SOX5: variants seen among roughly 807,000 people sequenced by gnomAD.
The protein encoded by SOX5 is SRY-box transcription factor 5.
Under a neutral mutation model 92.0 loss-of-function variants are expected in SOX5, and 9 were observed. The observed-to-expected ratio is 0.10, with a 90% CI of 0.06 to 0.17. The LOEUF (loss-of-function observed/expected upper bound fraction) is 0.17, where lower values mean the gene tolerates loss of function less well. Among genes scored for constraint, SOX5 ranks in the 10% least tolerant of loss-of-function variants. SOX5 has a pLI of 1.00. For missense variants in SOX5, 642 were observed against 944.5 expected (o/e 0.68, Z 4.20); for synonymous variants, 344 against 336.3 (o/e 1.02, Z -0.25).
At chr12:23,778,385 G>T (rs1035291914) in intron 3 of SOX5, among the ~76,000 whole-genome samples, 1 of 152,148 alleles carries the variant, frequency 6.6e-6, no homozygotes, top group African/African-American at 2.4e-5. Context: ...AAGCTAAAAG[G>T]AGTTTCCATA....
intron 2 of SOX5, among the ~76,000 whole-genome samples, chr12:23,848,310 A>T (rs957750147): frequency 6.6e-6 from 1 of 152,342 alleles, no homozygotes; most frequent in East Asian, 1.9e-4. Flanking sequence ...CCCATTTTGC[A>T]TATCTCTAAC....
At chr12:23,680,062 A>G (rs376464966) in intron 6 of SOX5, among the ~76,000 whole-genome samples, 1 of 152,038 alleles carries the variant, frequency 6.6e-6, no homozygotes, top group Non-Finnish European at 1.5e-5. Flanking sequence ...ATGGTGGCTC[A>G]TGCCTGTAAT....
At chr12:23,707,733 T>G (rs2091580260) in intron 6 of SOX5, among the ~76,000 whole-genome samples, 1 of 152,116 alleles carries the variant, frequency 6.6e-6, no homozygotes. Context: ...CTTTTTATTT[T>G]TTAACATAAT....
intron 7 of SOX5, among the ~76,000 whole-genome samples, chr12:23,663,371 C>T (rs1320682533): frequency 2.0e-5 from 3 of 152,080 alleles, no homozygotes; most frequent in Admixed American, 6.6e-5. Flanking sequence ...CTCCACGCCA[C>T]GTTACATTAA....
At chr12:24,503,116 T>G (rs536683491) in intron 1 of SOX5, among the ~76,000 whole-genome samples, 4 of 152,272 alleles carry the variant, frequency 2.6e-5, no homozygotes, top group African/African-American at 9.6e-5. Context: ...TGTATGTTTA[T>G]TTCCTAGTTT....
At chr12:24,125,943 C>T (rs762154608) in intron 4 of SOX5, among the ~76,000 whole-genome samples, 2 of 152,140 alleles carry the variant, frequency 1.3e-5, no homozygotes, top group African/African-American at 4.8e-5. Context: ...CTTTCAGATC[C>T]GTATCTTGCT....
intron 3 of SOX5, among the ~76,000 whole-genome samples, chr12:23,802,740 C>T (rs2142194282): frequency 6.6e-6 from 1 of 152,234 alleles, no homozygotes; most frequent in East Asian, 1.9e-4. Flanking sequence ...TAAACATCCT[C>T]CATGGGTTTA....
intron 3 of SOX5, among the ~76,000 whole-genome samples, chr12:24,242,993 TTAAG>T (rs61078072): frequency 0.036 from 5,424 of 152,214 alleles, 338 homozygotes; most frequent in African/African-American, 0.12. Context: ...AACAACAATT[TTAAG>T]TGAGTGAAGG....
At chr12:24,179,017 T>C (rs556713749) in intron 4 of SOX5, among the ~76,000 whole-genome samples, 1 of 152,224 alleles carries the variant, frequency 6.6e-6, no homozygotes, top group Non-Finnish European at 1.5e-5. Context: ...ATTTACCATC[T>C]GCAGAAAAAA....
At chr12:24,222,971 C>A (rs147605299) in intron 3 of SOX5, among the ~76,000 whole-genome samples, 5 of 152,100 alleles carry the variant, frequency 3.3e-5, no homozygotes, top group South Asian at 2.1e-4. Flanking sequence ...TGTCCGGCAC[C>A]CCATACTGAC....
At chr12:23,925,000 C>T (rs1274194613) in intron 1 of SOX5, among the ~76,000 whole-genome samples, 2 of 151,912 alleles carry the variant, frequency 1.3e-5, no homozygotes, top group South Asian at 2.1e-4. Context: ...CTACGAGAAA[C>T]ACCCAAGAAT....
At chr12:23,958,039 A>C (rs1324643696) in intron 4 of SOX5, among the ~76,000 whole-genome samples, 3 of 152,084 alleles carry the variant, frequency 2.0e-5, no homozygotes, top group Non-Finnish European at 2.9e-5. Flanking sequence ...TTTATTTTTA[A>C]ATCTTGCATA....
At chr12:24,171,635 C>A (rs1954182562) in intron 4 of SOX5, among the ~76,000 whole-genome samples, 1 of 152,032 alleles carries the variant, frequency 6.6e-6, no homozygotes, top group Non-Finnish European at 1.5e-5. Flanking sequence ...AGGAAGCAAT[C>A]CTAATGCAAT....
chr12:24,456,124 TGA>T (rs1942994244), intron 1 of SOX5, among the ~76,000 whole-genome samples: 1 of 152,114 alleles, frequency 6.6e-6, no homozygotes, highest in African/African-American at 2.4e-5. Context: ...GACTTCACAA[TGA>T]GAGTGGCTGG....
intron 7 of SOX5, among the ~76,000 whole-genome samples, chr12:23,662,112 T>C (rs897876221): frequency 3.3e-5 from 5 of 152,144 alleles, no homozygotes; most frequent in Non-Finnish European, 5.9e-5. Context: ...TCAAGTTCTA[T>C]ATTTATTTTA....
At chr12:23,814,035 A>T (rs2095933996) in intron 3 of SOX5, among the ~76,000 whole-genome samples, 1 of 152,140 alleles carries the variant, frequency 6.6e-6, no homozygotes, top group African/African-American at 2.4e-5. Flanking sequence ...AGAGTATTAA[A>T]ATGCTTTTTC....
chr12:23,579,231 A>C (rs1031895), intron 9 of SOX5, among the ~76,000 whole-genome samples: 51,182 of 152,042 alleles, frequency 0.34, 8,964 homozygotes, highest in South Asian at 0.4. Context: ...GTATTCACCT[A>C]CATTCAAGGC....
At chr12:23,790,916 T>C (rs1483148969) in intron 3 of SOX5, among the ~76,000 whole-genome samples, 2 of 152,158 alleles carry the variant, frequency 1.3e-5, no homozygotes, top group Non-Finnish European at 2.9e-5. Flanking sequence ...ACTGAGAAAA[T>C]GTTGCCTACA....
At chr12:23,990,238 T>G (rs184292139) in intron 4 of SOX5, among the ~76,000 whole-genome samples, 71 of 152,248 alleles carry the variant, frequency 4.7e-4, no homozygotes, top group Non-Finnish European at 8.1e-4. Flanking sequence ...TTCACAAGAC[T>G]ATGCAAGAGA....
Sources: allele counts gnomAD v4.1 joint callset (sites outside exome capture counted in the v4.1 genomes callset), GRCh38; gene constraint gnomAD v4.1.1; transcripts MANE v1.5; gene names NCBI Gene and HGNC (gene_info 2026-07-23, HGNC 2026-07-21).